Variants in HS6ST3 observed in about 807,000 individuals in gnomAD.
HS6ST3 encodes heparan sulfate 6-O-sulfotransferase 3.
HS6ST3 carries 12 observed loss-of-function variants against 36.7 expected under a neutral mutation model. The observed-to-expected ratio is 0.33, with a 90% CI of 0.21 to 0.53. The LOEUF is 0.53. Ranked by LOEUF, HS6ST3 falls within the 20% of genes least tolerant of loss-of-function variation. The pLI is 0.95. For missense variants in HS6ST3, 584 were observed against 640.9 expected, an observed-to-expected ratio of 0.91 and a Z score of 0.96; for synonymous variants, 240 against 257.5, an observed-to-expected ratio of 0.93 and a Z score of 0.65.
At chr13:96,210,443 G>T (rs911747634) in intron 1 of HS6ST3, among the ~76,000 whole-genome samples, 14 of 152,158 alleles carry the variant, frequency 9.2e-5, no homozygotes, top group African/African-American at 3.4e-4. Context: ...GGTCTCTAGG[G>T]TATTCAGCAA....
chr13:96,647,879 C>T (rs2056594303), intron 1 of HS6ST3, among the ~76,000 whole-genome samples: 4 of 151,926 alleles, frequency 2.6e-5, no homozygotes, highest in Admixed American at 2.6e-4. Context: ...AGCTTCTTAC[C>T]TTTATTTCTT....
chr13:96,402,031 C>T (rs896151444), intron 1 of HS6ST3, among the ~76,000 whole-genome samples: 10 of 152,134 alleles, frequency 6.6e-5, no homozygotes, highest in Non-Finnish European at 1.3e-4. Flanking sequence ...TGGTTTTGAA[C>T]TCCTGTGCTC....
At chr13:96,243,520 A>G (rs200603497) in intron 1 of HS6ST3, among the ~76,000 whole-genome samples, 1 of 152,156 alleles carries the variant, frequency 6.6e-6, no homozygotes, top group East Asian at 1.9e-4. Context: ...TGGAAACTGG[A>G]TTGCTCTTTT....
chr13:96,398,161 G>T (rs189288248), intron 1 of HS6ST3, among the ~76,000 whole-genome samples: 1 of 152,306 alleles, frequency 6.6e-6, no homozygotes, highest in East Asian at 1.9e-4. Context: ...AGCCCACTGC[G>T]TAGGAAGTGC....
chr13:96,473,674 G>A (rs995536045), intron 1 of HS6ST3, among the ~76,000 whole-genome samples: 2 of 152,136 alleles, frequency 1.3e-5, no homozygotes, highest in Non-Finnish European at 2.9e-5. Flanking sequence ...CCTGGCTTTT[G>A]CAGATGATGG....
intron 1 of HS6ST3, among the ~76,000 whole-genome samples, chr13:96,331,456 GC>G (rs1298440153): frequency 6.6e-6 from 1 of 152,202 alleles, no homozygotes. Flanking sequence ...GTGTCAGTGT[GC>G]CCCTGCCGGG....
intron 1 of HS6ST3, among the ~76,000 whole-genome samples, chr13:96,374,114 T>A (rs1368349994): frequency 6.6e-6 from 1 of 152,164 alleles, no homozygotes; most frequent in Non-Finnish European, 1.5e-5. Context: ...TCTTAATGCT[T>A]ATTAATCTGT....
At chr13:96,727,619 C>T (rs2138473991) in intron 1 of HS6ST3, among the ~76,000 whole-genome samples, 1 of 152,216 alleles carries the variant, frequency 6.6e-6, no homozygotes, top group East Asian at 1.9e-4. Context: ...TATAAAAACT[C>T]TCAGGAAGGA....
intron 1 of HS6ST3, among the ~76,000 whole-genome samples, chr13:96,367,468 C>T (rs1259241843): frequency 6.6e-6 from 1 of 152,202 alleles, no homozygotes; most frequent in African/African-American, 2.4e-5. Flanking sequence ...TGATCCACAA[C>T]TTCCTCAAAT....
chr13:96,310,701 C>G (rs2054936582), intron 1 of HS6ST3, among the ~76,000 whole-genome samples: 1 of 147,818 alleles, frequency 6.8e-6, no homozygotes, highest in Admixed American at 6.8e-5. Flanking sequence ...CCTTCCCTTC[C>G]CACTCTGTGG....
At chr13:96,289,236 T>C (rs1267675694) in intron 1 of HS6ST3, among the ~76,000 whole-genome samples, 1 of 152,084 alleles carries the variant, frequency 6.6e-6, no homozygotes, top group African/African-American at 2.4e-5. Context: ...AGTTATTTTT[T>C]GAATTGAATT....
chr13:96,773,581 C>G (rs1877322131), intron 1 of HS6ST3, among the ~76,000 whole-genome samples: 1 of 152,196 alleles, frequency 6.6e-6, no homozygotes, highest in Non-Finnish European at 1.5e-5. Flanking sequence ...CGGGGCAGAA[C>G]CCACAGCAGC....
At chr13:96,806,430 C>A (rs139344054) in intron 1 of HS6ST3, among the ~76,000 whole-genome samples, 89 of 152,240 alleles carry the variant, frequency 5.8e-4, no homozygotes, top group African/African-American at 1.9e-3. Flanking sequence ...ACAGTAGAAC[C>A]ATGATAGGAT....
chr13:96,820,555 A>G (rs948276398), intron 1 of HS6ST3, among the ~76,000 whole-genome samples: 1 of 152,222 alleles, frequency 6.6e-6, no homozygotes, highest in Non-Finnish European at 1.5e-5. Context: ...CTTATTCAAT[A>G]ATTCCCACAA....
intron 1 of HS6ST3, among the ~76,000 whole-genome samples, chr13:96,768,038 C>T (rs1877164344): frequency 6.6e-6 from 1 of 152,182 alleles, no homozygotes; most frequent in Non-Finnish European, 1.5e-5. Flanking sequence ...AGAAAAGCAT[C>T]CCTAAGGTCA....
At chr13:96,559,262 G>GCC (rs150262458) in intron 1 of HS6ST3, among the ~76,000 whole-genome samples, 3 of 151,306 alleles carry the variant, frequency 2.0e-5, no homozygotes, top group African/African-American at 7.3e-5. Context: ...GACTATAGAC[G>GCC]CCCCCCCCAC....
At chr13:96,644,653 TG>T (rs1473071658) in intron 1 of HS6ST3, among the ~76,000 whole-genome samples, 1 of 151,964 alleles carries the variant, frequency 6.6e-6, no homozygotes, top group Non-Finnish European at 1.5e-5. Flanking sequence ...TGGTGAGGAC[TG>T]GCTTCATAAC....
chr13:96,797,195 A>G (rs933510630), intron 1 of HS6ST3, among the ~76,000 whole-genome samples: 3 of 152,074 alleles, frequency 2.0e-5, no homozygotes, highest in Non-Finnish European at 2.9e-5. Flanking sequence ...TTTAGGCTGC[A>G]CTTTTAATGG....
At chr13:96,368,578 ATTC>A (rs2055275098) in intron 1 of HS6ST3, among the ~76,000 whole-genome samples, 1 of 152,048 alleles carries the variant, frequency 6.6e-6, no homozygotes, top group Admixed American at 6.6e-5. Context: ...CTACAGCATA[ATTC>A]TTCATTTTAA....
Sources: allele counts gnomAD v4.1 joint callset (sites outside exome capture counted in the v4.1 genomes callset), GRCh38; gene constraint gnomAD v4.1.1; transcripts MANE v1.5; gene names NCBI Gene and HGNC (gene_info 2026-07-23, HGNC 2026-07-21).